FHIT: variants seen among roughly 807,000 people sequenced by gnomAD.
FHIT encodes fragile histidine triad diadenosine triphosphatase.
Under a neutral mutation model 17.9 loss-of-function variants are expected in FHIT, and 19 were observed. The observed-to-expected ratio is 1.06, with a 90% CI of 0.74 to 1.56. FHIT has a LOEUF of 1.56. Ranked by LOEUF, FHIT falls within the 40% of genes most tolerant of loss-of-function variation. The pLI is 0.00. For synonymous variants in FHIT, 81 were observed against 69.7 expected (o/e 1.16, Z -0.81); for missense variants, 248 against 189.2 (o/e 1.31, Z -1.82).
At chr3:60,669,268 C>T (rs1218199891) in intron 4 of FHIT, among the ~76,000 whole-genome samples, 1 of 152,140 alleles carries the variant, frequency 6.6e-6, no homozygotes, top group Admixed American at 6.5e-5. Context: ...AGTGTTCATC[C>T]TTGCAAATGG....
At chr3:59,956,787 G>T (rs543539037) in intron 7 of FHIT, among the ~76,000 whole-genome samples, 23 of 152,194 alleles carry the variant, frequency 1.5e-4, no homozygotes, top group Middle Eastern at 3.2e-3. Context: ...AACAAAATGT[G>T]TGAAGCACTG....
chr3:60,944,557 G>A (rs1575731530), intron 3 of FHIT, among the ~76,000 whole-genome samples: 2 of 152,314 alleles, frequency 1.3e-5, no homozygotes, highest in East Asian at 3.9e-4. Flanking sequence ...AATTTATTAA[G>A]TTATTTAATT....
At chr3:61,059,164 C>T (rs1241884602) in intron 2 of FHIT, among the ~76,000 whole-genome samples, 1 of 152,170 alleles carries the variant, frequency 6.6e-6, no homozygotes, top group East Asian at 1.9e-4. Context: ...ATTTTAAAAT[C>T]GTCCATTTGA....
At chr3:59,769,507 G>A (rs1268495534) in intron 8 of FHIT, among the ~76,000 whole-genome samples, 1 of 152,146 alleles carries the variant, frequency 6.6e-6, no homozygotes, top group East Asian at 1.9e-4. Context: ...AGGCTGTGTC[G>A]AATGGAGTTG....
intron 5 of FHIT, among the ~76,000 whole-genome samples, chr3:60,165,540 A>C (rs567439023): frequency 5.9e-5 from 9 of 152,314 alleles, no homozygotes; most frequent in African/African-American, 2.2e-4. Flanking sequence ...CATTATTTAG[A>C]ATAGCTTGGA....
At chr3:60,008,113 C>A (rs1447132456) in intron 7 of FHIT, among the ~76,000 whole-genome samples, 1 of 152,038 alleles carries the variant, frequency 6.6e-6, no homozygotes, top group South Asian at 2.1e-4. Context: ...GGTGCATAGC[C>A]AAACAAACAA....
intron 5 of FHIT, among the ~76,000 whole-genome samples, chr3:60,017,974 T>C (rs1163378716): frequency 6.6e-6 from 1 of 152,174 alleles, no homozygotes; most frequent in Admixed American, 6.5e-5. Context: ...TCCCCTCCCC[T>C]TGAGTGTCTA....
chr3:60,237,989 A>T (rs1253406264), intron 5 of FHIT, among the ~76,000 whole-genome samples: 6 of 148,038 alleles, frequency 4.1e-5, no homozygotes, highest in Middle Eastern at 3.4e-3. Flanking sequence ...TAATAATAAT[A>T]AAAAAAATCA....
chr3:61,241,085 C>T (rs6799836), intron 1 of FHIT, among the ~76,000 whole-genome samples: 35,850 of 151,860 alleles, frequency 0.24, 6,276 homozygotes, highest in African/African-American at 0.49. Context: ...GGCTGTAAAA[C>T]AAAATATTCC....
chr3:60,009,165 A>ATGTGTGTGTG (rs753809976), intron 7 of FHIT, among the ~76,000 whole-genome samples: 80 of 54,116 alleles, frequency 1.5e-3, no homozygotes, highest in Admixed American at 3.3e-3. Flanking sequence ...CTGGGATTTT[A>ATGTGTGTGTG]TGTGTGTGTG....
At chr3:59,897,828 G>A (rs1462096557) in intron 8 of FHIT, among the ~76,000 whole-genome samples, 2 of 150,734 alleles carry the variant, frequency 1.3e-5, no homozygotes, top group East Asian at 1.9e-4. Context: ...GTGCAGTGGC[G>A]CGATCTCGGC....
intron 4 of FHIT, among the ~76,000 whole-genome samples, chr3:60,605,795 G>A (rs1432932432): frequency 1.3e-5 from 2 of 152,182 alleles, no homozygotes; most frequent in Non-Finnish European, 2.9e-5. Context: ...GTTTTGAGAA[G>A]GATACCTGAA....
At chr3:60,030,227 G>T (rs1258225677) in intron 5 of FHIT, among the ~76,000 whole-genome samples, 2 of 152,108 alleles carry the variant, frequency 1.3e-5, no homozygotes, top group African/African-American at 4.8e-5. Context: ...TACCATGCAT[G>T]TTCTATATTC....
intron 4 of FHIT, among the ~76,000 whole-genome samples, chr3:60,767,141 G>C (rs1311076626): frequency 6.6e-6 from 1 of 152,102 alleles, no homozygotes; most frequent in African/African-American, 2.4e-5. Context: ...TTAAAAAACA[G>C]ACAAATAACA....
intron 3 of FHIT, chr3:60,912,856 C>A (rs1706816258): frequency 6.1e-6 from 3 of 488,356 alleles, no homozygotes; most frequent in South Asian, 3.1e-5. Context: ...ATTTTAATCA[C>A]CCCTTTGAGT....
chr3:60,620,012 C>A (rs539699023), intron 4 of FHIT, among the ~76,000 whole-genome samples: 28 of 152,088 alleles, frequency 1.8e-4, no homozygotes, highest in Middle Eastern at 3.4e-3. Context: ...TGAACAGACA[C>A]CTCACCAAAA....
At chr3:61,192,030 A>C (rs996856645) in intron 2 of FHIT, among the ~76,000 whole-genome samples, 4 of 152,130 alleles carry the variant, frequency 2.6e-5, no homozygotes, top group African/African-American at 9.7e-5. Flanking sequence ...GGGACATATA[A>C]GAACAGATAT....
chr3:60,668,102 C>T (rs1222075413), intron 4 of FHIT, among the ~76,000 whole-genome samples: 2 of 152,030 alleles, frequency 1.3e-5, no homozygotes, highest in African/African-American at 4.8e-5. Context: ...TGTCTTCTTG[C>T]CCCAGTGACT....
At chr3:60,404,259 C>A (rs1483210319) in intron 5 of FHIT, among the ~76,000 whole-genome samples, 1 of 152,122 alleles carries the variant, frequency 6.6e-6, no homozygotes, top group Non-Finnish European at 1.5e-5. Flanking sequence ...CCACCAGTAA[C>A]AAGAACAATG....
Sources: allele counts gnomAD v4.1 joint callset (sites outside exome capture counted in the v4.1 genomes callset), GRCh38; gene constraint gnomAD v4.1.1; transcripts MANE v1.5; gene names NCBI Gene and HGNC (gene_info 2026-07-23, HGNC 2026-07-21).